The following DACH2 variants were observed in gnomAD, a reference collection of about 807,000 sequenced individuals.
DACH2 encodes dachshund family transcription factor 2.
Under a neutral mutation model 35.8 loss-of-function variants are expected in DACH2, and 17 were observed. The ratio of observed to expected loss-of-function variants is 0.48; its 90% confidence interval spans 0.33 to 0.71. The LOEUF is 0.71. Among genes scored for constraint, DACH2 ranks in the 30% least tolerant of loss-of-function variants. The pLI, the probability that DACH2 is intolerant of heterozygous loss-of-function variation, is 0.02. For synonymous variants in DACH2, 195 were observed against 177.3 expected (o/e 1.10, Z -0.79); for missense variants, 469 against 472.7 (o/e 0.99, Z 0.07).
intron 1 of DACH2, among the ~76,000 whole-genome samples, chrX:86,306,161 A>C (rs1377853604): frequency 1.8e-5 from 2 of 112,345 alleles, no homozygotes; most frequent in Non-Finnish European, 3.8e-5. Context: ...CTATTCCAGC[A>C]CTATTTATAT....
chrX:86,457,170 C>T (rs1005030221), intron 2 of DACH2, among the ~76,000 whole-genome samples: 2 of 111,324 alleles, frequency 1.8e-5, no homozygotes, highest in African/African-American at 6.5e-5. Flanking sequence ...GAGAAGGAAG[C>T]CCAAGGCTTA....
intron 2 of DACH2, among the ~76,000 whole-genome samples, chrX:86,398,309 A>G (rs1350457551): frequency 8.9e-6 from 1 of 112,088 alleles, no homozygotes; most frequent in Non-Finnish European, 1.9e-5. Context: ...CTAGGGGTCT[A>G]TCAATTTTGT....
intron 1 of DACH2, among the ~76,000 whole-genome samples, chrX:86,272,226 GTA>G (rs745620799): frequency 1.7e-4 from 19 of 109,984 alleles, no homozygotes; most frequent in African/African-American, 6.0e-4. Flanking sequence ...GTGTGTGTGT[GTA>G]TATCACATTT....
chrX:86,296,713 A>T (rs745853936), intron 1 of DACH2, among the ~76,000 whole-genome samples: 53 of 111,355 alleles, frequency 4.8e-4, no homozygotes, highest in African/African-American at 1.7e-3. Flanking sequence ...CTTTGATTAA[A>T]AATCTTTCAC....
intron 2 of DACH2, among the ~76,000 whole-genome samples, chrX:86,435,695 C>T (rs946309717): frequency 3.6e-5 from 4 of 111,555 alleles, no homozygotes; most frequent in African/African-American, 1.3e-4. Context: ...CAAAGCCTAC[C>T]ATCTTGTAGC....
chrX:86,511,218 G>A (rs747803523), intron 2 of DACH2, among the ~76,000 whole-genome samples: 4 of 111,617 alleles, frequency 3.6e-5, no homozygotes, highest in South Asian at 3.7e-4. Context: ...TGTCAGGTTC[G>A]TGTTCTTTAA....
intron 3 of DACH2, among the ~76,000 whole-genome samples, chrX:86,582,674 T>C (rs1196775626): frequency 9.1e-6 from 1 of 110,087 alleles, no homozygotes; most frequent in Non-Finnish European, 1.9e-5. Flanking sequence ...AGAAATTGAA[T>C]CTCCTAACTG....
At chrX:86,732,020 G>A (rs968161003) in intron 6 of DACH2, among the ~76,000 whole-genome samples, 7 of 112,129 alleles carry the variant, frequency 6.2e-5, no homozygotes, top group Non-Finnish European at 1.1e-4. Context: ...TAATGAATTA[G>A]TCACATTTCA....
At chrX:86,296,830 G>A (rs965197723) in intron 1 of DACH2, among the ~76,000 whole-genome samples, 11 of 109,737 alleles carry the variant, frequency 1.0e-4, no homozygotes, top group Non-Finnish European at 2.1e-4. Context: ...CAGGTTGTGG[G>A]GGGCATGTAT....
Position 86,689,725 on chromosome X carries a change from G to A in DACH2, c.773-5296G>A, listed in dbSNP as rs750250944. 1.2e-4 allele frequency among the ~76,000 whole-genome samples: 13 copies of A among 111,697 alleles called. No individual in the cohort carries two copies. The East Asian group carries it at 3.4e-3, about 29-fold the overall frequency. On this transcript the variant is annotated intron_variant, in intron 4 of 11. Transcript: ENST00000373125. ...AATAATCTGACTTATATGTTTTGTT[G>A]TAGCTAGAAAAGTTTCAATGTAAGT...
chrX:86,502,661 A>T (rs777865061), intron 2 of DACH2, among the ~76,000 whole-genome samples: 2 of 111,905 alleles, frequency 1.8e-5, no homozygotes, highest in Non-Finnish European at 3.8e-5. Flanking sequence ...TTAATAGCAT[A>T]TTTGTGATCT....
intron 3 of DACH2, among the ~76,000 whole-genome samples, chrX:86,541,376 C>A (rs2038878654): frequency 9.0e-6 from 1 of 111,015 alleles, no homozygotes; most frequent in Non-Finnish European, 1.9e-5. Flanking sequence ...CTCACCCCTT[C>A]CCCCCTTGTC....
At chrX:86,444,371 T>G (rs1443188519) in intron 2 of DACH2, among the ~76,000 whole-genome samples, 6 of 111,943 alleles carry the variant, frequency 5.4e-5, no homozygotes, top group African/African-American at 1.9e-4. Flanking sequence ...ACTACAGGCT[T>G]GAGCCATCGT....
chrX:86,235,897 G>A (rs749382771), intron 1 of DACH2, among the ~76,000 whole-genome samples: 1 of 111,826 alleles, frequency 8.9e-6, no homozygotes, highest in South Asian at 3.7e-4. Context: ...ACTTTGGGAG[G>A]CCAAGGTGGG....
chrX:86,551,248 T>G (rs752399825), intron 3 of DACH2, among the ~76,000 whole-genome samples: 1 of 111,956 alleles, frequency 8.9e-6, no homozygotes, highest in South Asian at 3.7e-4. Flanking sequence ...TGACATGATG[T>G]TCATAGCCCT....
intron 1 of DACH2, among the ~76,000 whole-genome samples, chrX:86,359,357 T>A (rs925061942): frequency 4.5e-5 from 5 of 111,488 alleles, no homozygotes; most frequent in Non-Finnish European, 9.4e-5. Flanking sequence ...AATAGCCACC[T>A]TCCATAATCT....
At chrX:86,609,791 C>A (rs2039905801) in intron 3 of DACH2, among the ~76,000 whole-genome samples, 1 of 111,258 alleles carries the variant, frequency 9.0e-6, no homozygotes, top group Non-Finnish European at 1.9e-5. Context: ...TGTTCTTTTC[C>A]CTTACCTTCT....
chrX:86,658,473 T>C (rs1438592006), intron 4 of DACH2, among the ~76,000 whole-genome samples: 1 of 111,604 alleles, frequency 9.0e-6, no homozygotes, highest in Non-Finnish European at 1.9e-5. Context: ...GGCAGACCTA[T>C]AGTTTCTTTG....
In DACH2 at chrX:86,296,249, T is replaced by C. The variant is rs770345578; in HGVS notation, c.489-80575T>C. On this transcript the variant is annotated intron_variant, in intron 1 of 11. Coordinates refer to ENST00000373125, the MANE Select transcript of DACH2 (RefSeq NM_053281.3). ...AAAAAAAATTAGCCGGGCGTGATGG[T>C]GGGGGCCTGTAGTCCCAGCTACTCG... 7.9e-3 allele frequency among the ~76,000 whole-genome samples: 815 copies of C among 102,532 alleles called. 10 individuals carry two copies. Among genetic ancestry groups the C allele is most frequent in the African/African-American group, 0.028 (771 of 27,900 alleles). The allele number at this position is 102,532 out of a possible 115,157, so 89.0% of individuals were successfully genotyped here.
Sources: gnomAD v4.1 joint callset for allele counts (sites outside exome capture counted in the v4.1 genomes callset) on GRCh38, gnomAD v4.1.1 for gene constraint, MANE v1.5 for transcripts, NCBI Gene and HGNC (gene_info 2026-07-23, HGNC 2026-07-21) for gene names.